The following CTNNA1 variants were observed in gnomAD, a reference collection of about 807,000 sequenced individuals.
CTNNA1 encodes catenin alpha-1.
Under a neutral mutation model 98.4 loss-of-function variants are expected in CTNNA1, and 37 were observed. The ratio of observed to expected loss-of-function variants is 0.38; its 90% CI spans 0.29 to 0.49. The LOEUF (loss-of-function observed/expected upper bound fraction) is 0.49. Ranked by LOEUF, CTNNA1 falls within the 20% of genes least tolerant of loss-of-function variation. CTNNA1 has a pLI of 0.95. For synonymous variants in CTNNA1, 404 were observed against 413.2 expected (o/e 0.98, Z 0.27); for missense variants, 761 against 1,147.2 (o/e 0.66, Z 4.86).
At chr5:138,787,933 G>A (rs967027406) in intron 3 of CTNNA1, among the ~76,000 whole-genome samples, 4 of 152,334 alleles carry the variant, frequency 2.6e-5, no homozygotes, top group East Asian at 3.9e-4. Flanking sequence ...CACATGTGGT[G>A]GATAGGAGCC....
rs1292323689 is a variant in CTNNA1, at chr5:138,781,950, T to C, written c.26T>C (p.Ile9Thr). 1 of 1,596,768 alleles carries C rather than the reference T, an allele frequency of 6.3e-7. No homozygotes were observed. Among genetic ancestry groups the C allele is most frequent in the Admixed American group, 1.9e-5 (1 of 53,416 alleles). MTAVHAGN[I>T]NFKWDPKSLE... is the part of the protein sequence containing the mutation. ...ATGACTGCTGTCCATGCAGGCAACA[T>C]AAACTTCAAGTGGGATCCTAAAAGT... The change falls in exon 2 of 18, where the codon ATA (isoleucine) becomes ACA (threonine). Residue 9 changes from isoleucine (I) to threonine (T), a missense_variant. This residue lies in a region of CTNNA1 where 328 missense variants were observed against 354.3 expected (regional missense o/e 0.93). Coordinates refer to ENST00000302763, the MANE Select transcript of CTNNA1 (RefSeq NM_001903.5).
chr5:138,911,900 A>G (rs1760712716), intron 10 of CTNNA1, among the ~76,000 whole-genome samples: 1 of 152,232 alleles, frequency 6.6e-6, no homozygotes. Flanking sequence ...GAGAGAGAAA[A>G]AGAGTCAGGG....
intron 7 of CTNNA1, among the ~76,000 whole-genome samples, chr5:138,868,322 T>C (rs288041): frequency 0.32 from 48,688 of 152,004 alleles, 8,044 homozygotes; most frequent in African/African-American, 0.41. Context: ...CAAGGGTCAA[T>C]TGTAGTTTAA....
intron 3 of CTNNA1, among the ~76,000 whole-genome samples, chr5:138,791,807 T>TTA: frequency 6.7e-6 from 1 of 149,282 alleles, no homozygotes; most frequent in East Asian, 1.9e-4. Flanking sequence ...TTTTTTTTTT[T>TTA]AGAGAGGCAA....
At chr5:138,884,069 TC>T (rs1753514534) in intron 7 of CTNNA1, among the ~76,000 whole-genome samples, 1 of 152,160 alleles carries the variant, frequency 6.6e-6, no homozygotes, top group Admixed American at 6.5e-5. Flanking sequence ...GGTGGTTGGG[TC>T]ATACCTTGAT....
intron 3 of CTNNA1, among the ~76,000 whole-genome samples, chr5:138,804,918 GA>G (rs1411442872): frequency 1.3e-5 from 2 of 152,212 alleles, no homozygotes; most frequent in African/African-American, 4.8e-5. Flanking sequence ...AATTTATAAA[GA>G]AAAGAGGTTT....
In CTNNA1 at chr5:138,924,638, G is replaced by C. The variant is rs1383466662; in HGVS notation, c.1675G>C (p.Glu559Gln). 6.2e-7 allele frequency: 1 copy of C among 1,612,262 alleles called. No individual in the cohort carries two copies. The highest frequency in any genetic ancestry group is 8.5e-7 in the Non-Finnish European group (1 of 1,179,238). The change falls in exon 12 of 18, where the codon GAG becomes CAG. Residue 559 changes from glutamate to glutamine, a missense_variant. Coordinates refer to ENST00000302763, the MANE Select transcript of CTNNA1 (RefSeq NM_001903.5). ...AARVIHVVTS[E>Q]MDNYEPGVYT... Reference sequence around the variant, plus strand: ...CCGGGTCATTCACGTAGTCACCTCAGAGATGGACAACTATGAGCCAGGAGT... The same window carrying C: ...CCGGGTCATTCACGTAGTCACCTCACAGATGGACAACTATGAGCCAGGAGT...
At chr5:138,915,020 G>A (rs538271365) in intron 10 of CTNNA1, among the ~76,000 whole-genome samples, 31 of 152,166 alleles carry the variant, frequency 2.0e-4, no homozygotes, top group South Asian at 8.3e-4. Context: ...GGTGGCGGGC[G>A]CCTGTAGTCC....
intron 9 of CTNNA1, among the ~76,000 whole-genome samples, chr5:138,900,691 A>T (rs575695684): frequency 6.6e-6 from 1 of 152,322 alleles, no homozygotes; most frequent in East Asian, 1.9e-4. Flanking sequence ...GAGCCTTCCT[A>T]AAAGACTGAA....
At position 138,810,222 on chromosome 5, in the gene CTNNA1, TG is replaced by T; in HGVS notation, c.468+19del. ...TGAAAGTTGTAAGTATACAGGCCTATGTCTGTAATTTGTTCTATCACAGGAA... is the reference window on the plus strand; with the variant it reads ...TGAAAGTTGTAAGTATACAGGCCTATTCTGTAATTTGTTCTATCACAGGAA... On this transcript the variant is annotated intron_variant, in intron 4 of 17. Transcript: ENST00000302763. 1.2e-6 allele frequency: 2 copies of T among 1,600,782 alleles called. No individual in the cohort carries two copies. Among genetic ancestry groups the T allele is most frequent in the Non-Finnish European group, 8.6e-7 (1 of 1,168,522 alleles).
chr5:138,887,336 A>G (rs1754287284), intron 8 of CTNNA1, among the ~76,000 whole-genome samples, 154 bp from the exon 9 acceptor site: 3 of 152,306 alleles, frequency 2.0e-5, no homozygotes, highest in South Asian at 4.2e-4. Context: ...GTTGTAGATT[A>G]TGTAACTGCA....
chr5:138,830,189 TAAAC>T (rs1761132950), intron 7 of CTNNA1, among the ~76,000 whole-genome samples: 2 of 97,244 alleles, frequency 2.1e-5, no homozygotes, highest in South Asian at 3.1e-4. Flanking sequence ...ACCCAAAAAA[TAAAC>T]AAACAAAAAA....
At chr5:138,928,358 T>G (rs1259032306) in intron 13 of CTNNA1, among the ~76,000 whole-genome samples, 4 of 152,214 alleles carry the variant, frequency 2.6e-5, no homozygotes, top group Non-Finnish European at 5.9e-5. Context: ...CTTGGGTATT[T>G]ACTCAGCCCT....
At chr5:138,769,562 C>T (rs1002905169) in intron 1 of CTNNA1, among the ~76,000 whole-genome samples, 11 of 151,482 alleles carry the variant, frequency 7.3e-5, no homozygotes, top group Non-Finnish European at 1.2e-4. Context: ...GACGGAGTTT[C>T]GCTCTTGTTG....
chr5:138,923,426 A>G (rs1483473472), intron 11 of CTNNA1, among the ~76,000 whole-genome samples: 1 of 152,244 alleles, frequency 6.6e-6, no homozygotes, highest in Non-Finnish European at 1.5e-5. Context: ...AATAGAGACC[A>G]AAATATGGTC....
chr5:138,780,447 C>T (rs1397112934), intron 1 of CTNNA1, among the ~76,000 whole-genome samples: 1 of 151,968 alleles, frequency 6.6e-6, no homozygotes, highest in African/African-American at 2.4e-5. Flanking sequence ...CCCGCCTCAG[C>T]CTCCCAAAGT....
intron 7 of CTNNA1, among the ~76,000 whole-genome samples, chr5:138,835,202 T>G (rs193050181): frequency 2.0e-5 from 3 of 152,218 alleles, no homozygotes; most frequent in Non-Finnish European, 2.9e-5. Flanking sequence ...TCAGGCCATC[T>G]GGATGTATAC....
rs1232689446 is a variant in CTNNA1 at position 138,917,837 on chromosome 5, C to A, written c.1485C>A (p.Val495=). 1.9e-6 allele frequency: 3 copies of A among 1,614,200 alleles called. No homozygotes were observed. The Admixed American group carries it at 5.0e-5, about 27-fold the overall frequency. ...TTAAAGAACAATGGGAAAAACAAGT[C>A]CGTGTTCTCACAGATGCTGTCGATG... The part of the protein sequence containing the change: ...DLFKEQWEKQ[V]RVLTDAVDDI... The change falls in exon 11 of 18, where the codon GTC becomes GTA. Residue 495 remains valine (V), a synonymous_variant. Transcript: ENST00000302763.
At chr5:138,931,856 A>C (rs1213427418) in intron 16 of CTNNA1, 1 of 985,388 alleles carries the variant, frequency 1.0e-6, no homozygotes, top group Admixed American at 6.1e-5. Context: ...ACTTTGCTCC[A>C]GCCTCACTGG....
Sources: allele counts gnomAD v4.1 joint callset (sites outside exome capture counted in the v4.1 genomes callset), GRCh38; gene constraint gnomAD v4.1.1; regional missense constraint gnomAD v4.1.1; transcripts MANE v1.5; gene names NCBI Gene and HGNC (gene_info 2026-07-23, HGNC 2026-07-21).